Variants in ERG observed in about 807,000 individuals in gnomAD.
ERG encodes the protein transcriptional regulator ERG.
In ERG, 9 loss-of-function variants were observed where a neutral mutation model predicts 55.3. That is an observed-to-expected ratio of 0.16 (90% CI 0.10 to 0.28). The LOEUF (loss-of-function observed/expected upper bound fraction) is 0.28. ERG is among the 10% of genes least tolerant of loss of function. The pLI is 1.00. For missense variants in ERG, 434 were observed against 631.6 expected, an observed-to-expected ratio of 0.69 and a Z score of 3.35; for synonymous variants, 223 against 237.3, an observed-to-expected ratio of 0.94 and a Z score of 0.55.
At chr21:38,462,739 G>A (rs115237465) in intron 1 of ERG, among the ~76,000 whole-genome samples, 83 of 152,152 alleles carry the variant, frequency 5.5e-4, no homozygotes, top group African/African-American at 1.7e-3. Flanking sequence ...CCTAACTGAC[G>A]AGTGCTGCCC....
At position 38,498,348 on chromosome 21, in the gene ERG, G is replaced by A. The variant is rs1274525501; in HGVS notation, c.18+15C>T. 1.2e-6 allele frequency: 2 copies of A among 1,600,352 alleles called. No individual in the cohort carries two copies. Among genetic ancestry groups the A allele is most frequent in the East Asian group, 4.5e-5 (2 of 44,770 alleles). On this transcript the variant is annotated intron_variant, in intron 1 of 9. Transcript: ENST00000288319. The surrounding 1 kb of genome is among the most constrained non-coding windows in gnomAD (Gnocchi z 4.6). ...GAACAAGATTTTGTCAAATTAAAAG[G>A]AACCCTTTCCTTACCTTAATAGTGC...
exon 2 of ERG, chr21:38,575,705 T>G: frequency 1.2e-6 from 2 of 1,614,064 alleles, no homozygotes; most frequent in Non-Finnish European, 1.7e-6. Context: ...AATCATGTCC[T>G]TCAGTAAGCC....
chr21:38,384,149 C>T (rs1391578899), intron 9 of ERG, among the ~76,000 whole-genome samples: 1 of 152,226 alleles, frequency 6.6e-6, no homozygotes, highest in African/African-American at 2.4e-5. Context: ...GCCTCGCCCA[C>T]CCCCAGGTAT....
chr21:38,470,297 G>A (rs2059128177), intron 1 of ERG, among the ~76,000 whole-genome samples: 1 of 151,734 alleles, frequency 6.6e-6, no homozygotes, highest in Non-Finnish European at 1.5e-5. Flanking sequence ...TAATTATCTG[G>A]AGTTAATTGA....
chr21:38,642,992 A>G (rs1035259264), intron 1 of ERG, among the ~76,000 whole-genome samples: 1 of 152,170 alleles, frequency 6.6e-6, no homozygotes, highest in Non-Finnish European at 1.5e-5. Context: ...TACTTCACCC[A>G]CTTTTATGCC....
chr21:38,413,709 GTTCT>G (rs1989157972), intron 3 of ERG, among the ~76,000 whole-genome samples: 2 of 145,688 alleles, frequency 1.4e-5, no homozygotes, highest in South Asian at 2.3e-4. Flanking sequence ...GATCGTTATT[GTTCT>G]TTGTTTTCTT....
At chr21:38,470,524 C>T (rs2059129925) in intron 1 of ERG, among the ~76,000 whole-genome samples, 1 of 152,116 alleles carries the variant, frequency 6.6e-6, no homozygotes, top group South Asian at 2.1e-4. Flanking sequence ...GTCATAATTG[C>T]ATTTACCTTA....
At chr21:38,516,917 G>A (rs1020775728) in intron 2 of ERG, among the ~76,000 whole-genome samples, 10 of 151,916 alleles carry the variant, frequency 6.6e-5, no homozygotes, top group South Asian at 4.1e-4. Flanking sequence ...ATCCATATGC[G>A]AAAGAATAAA....
At position 38,382,696 on chromosome 21, in the gene ERG, T is replaced by C. The variant is rs148580535; in HGVS notation, c.*707A>G. The C allele has an allele frequency of 1.1e-4, 116 of 1,066,840 alleles. No homozygotes were observed. In the African/African-American group the frequency reaches 1.3e-3, roughly 12 times the overall value. 66.1% of individuals were successfully genotyped at this position (1,066,840 alleles called of 1,614,324 possible). A position where few individuals can be genotyped will look rare whatever the true frequency, so the allele number is the denominator to read the frequency against. On this transcript the variant is annotated 3_prime_UTR_variant, in exon 10 of 10. Transcript: ENST00000288319. ...TCCTTCTCTGCCTCTTCCTCCTCCTTCTTCACCCCTCTGTCTACAATCACA... is the reference window on the plus strand; with the variant it reads ...TCCTTCTCTGCCTCTTCCTCCTCCTCCTTCACCCCTCTGTCTACAATCACA...
intron 3 of ERG, among the ~76,000 whole-genome samples, chr21:38,410,648 T>C (rs1989005047): frequency 6.6e-6 from 1 of 152,208 alleles, no homozygotes; most frequent in African/African-American, 2.4e-5. Flanking sequence ...TCTGACCTAG[T>C]AGAGTTCCCC....
chr21:38,439,733 T>C (rs2058822809), intron 2 of ERG, among the ~76,000 whole-genome samples: 1 of 152,246 alleles, frequency 6.6e-6, no homozygotes, highest in African/African-American at 2.4e-5. Flanking sequence ...CTCCTGTTTT[T>C]CTTTTATTAT....
chr21:38,593,832 T>C (rs1253481474), intron 1 of ERG, among the ~76,000 whole-genome samples: 1 of 152,224 alleles, frequency 6.6e-6, no homozygotes, highest in Non-Finnish European at 1.5e-5. Flanking sequence ...CAAGTTATCA[T>C]TTTTTAGATA....
At chr21:38,567,747 G>A (rs542904457) in intron 2 of ERG, among the ~76,000 whole-genome samples, 7 of 152,232 alleles carry the variant, frequency 4.6e-5, no homozygotes, top group South Asian at 2.1e-4. Flanking sequence ...TCCACCCTTC[G>A]CCATAGCGAT....
chr21:38,636,551 G>A (rs920644713), intron 1 of ERG, among the ~76,000 whole-genome samples: 4 of 152,304 alleles, frequency 2.6e-5, no homozygotes, highest in East Asian at 1.9e-4. Flanking sequence ...TCAAGCCAAG[G>A]AATGAAGCAC....
chr21:38,380,076 C>T lies in ERG; in HGVS notation c.*3327G>A. 1 of 1,018,464 alleles carries T rather than the reference C, an allele frequency of 9.8e-7. No homozygotes were observed. Among genetic ancestry groups the T allele is most frequent in the Non-Finnish European group, 1.2e-6 (1 of 849,208 alleles). 63.1% of individuals were successfully genotyped at this position (1,018,464 alleles called of 1,614,324 possible). On this transcript the variant is annotated 3_prime_UTR_variant, in exon 10 of 10. Transcript: ENST00000288319. ...AAGTAATTTTTATTCTCTAATTAGTCACCTCACGACTTTATTTGAATGAAT... is the reference window on the plus strand; with the variant it reads ...AAGTAATTTTTATTCTCTAATTAGTTACCTCACGACTTTATTTGAATGAAT...
upstream of ERG, among the ~76,000 whole-genome samples, chr21:38,586,532 T>C (rs2060066380): frequency 6.6e-6 from 1 of 152,044 alleles, no homozygotes; most frequent in Non-Finnish European, 1.5e-5. Context: ...GAGTGTCATC[T>C]CACACCTGTT....
downstream of ERG, chr21:38,379,941 T>C: frequency 1.1e-6 from 1 of 891,894 alleles, no homozygotes; most frequent in African/African-American, 1.8e-5. Flanking sequence ...TCCACCCGCC[T>C]CTGTCCTTCA....
In ERG at chr21:38,424,288, C is replaced by A. The variant is rs1316150489; in HGVS notation, c.237-727G>T. Among the ~76,000 whole-genome samples the A allele has an allele frequency of 3.3e-5, 5 of 151,778 alleles. No individual in the cohort carries two copies. The East Asian group carries it at 9.7e-4, about 30-fold the overall frequency. ...CTGCAACCCAAGGACAGAGACCTCA[C>A]CAGAGACTGGCCCTGCTGGTGTCTG... is the stretch of plus-strand genomic sequence containing the variant. On this transcript the variant is annotated intron_variant, in intron 2 of 9. Coordinates refer to ENST00000288319, the MANE Select transcript of ERG (RefSeq NM_182918.4).
chr21:38,435,889 C>G (rs1396201838), intron 2 of ERG, among the ~76,000 whole-genome samples: 1 of 152,046 alleles, frequency 6.6e-6, no homozygotes, highest in Non-Finnish European at 1.5e-5. Context: ...TTGTGCACGT[C>G]TTTTAATTTG....
Sources: allele counts gnomAD v4.1 joint callset (sites outside exome capture counted in the v4.1 genomes callset), GRCh38; gene constraint gnomAD v4.1.1; non-coding constraint Gnocchi (gnomAD v3.1); transcripts MANE v1.5; gene names NCBI Gene and HGNC (gene_info 2026-07-23, HGNC 2026-07-21).